Variants in GALNT18 observed in about 807,000 individuals in gnomAD.
The protein encoded by GALNT18 is GalNAc-transferase 18.
Under a neutral mutation model 69.5 loss-of-function variants are expected in GALNT18, and 44 were observed. The ratio of observed to expected loss-of-function variants is 0.63; its 90% CI spans 0.50 to 0.81. The LOEUF (loss-of-function observed/expected upper bound fraction) is 0.81, where lower values mean the gene tolerates loss of function less well. Among genes scored for constraint, GALNT18 ranks in the 40% least tolerant of loss-of-function variants. The pLI is 0.00. For missense variants in GALNT18, 715 were observed against 810.0 expected, an observed-to-expected ratio of 0.88 and a Z score of 1.42; for synonymous variants, 364 against 318.2, an observed-to-expected ratio of 1.14 and a Z score of -1.53.
intron 6 of GALNT18, among the ~76,000 whole-genome samples, chr11:11,345,306 C>T (rs1009084563): frequency 1.3e-5 from 2 of 152,216 alleles, no homozygotes; most frequent in Admixed American, 6.5e-5. Context: ...TGGACCCTGC[C>T]CAGTGGCACT....
intron 1 of GALNT18, among the ~76,000 whole-genome samples, chr11:11,569,783 A>G (rs1296945002): frequency 6.6e-6 from 1 of 152,144 alleles, no homozygotes; most frequent in East Asian, 1.9e-4. Context: ...GCTGGTAAGT[A>G]GGCAAGCAGT....
chr11:11,472,584 G>C (rs1181177916), intron 1 of GALNT18, among the ~76,000 whole-genome samples: 1 of 13,440 alleles, frequency 7.4e-5, no homozygotes, highest in Non-Finnish European at 2.4e-4. Flanking sequence ...AATGTGCAGA[G>C]TGAAACAAAG....
Position 11,416,832 on chromosome 11 carries a change from A to G in GALNT18, c.595+15789T>C, listed in dbSNP as rs549412324. ...CTAGGGCAGCGTGGCGAGCCATGGC[A>G]CCTCAAAATGATAGCAGCCCAAACC... On this transcript the variant is annotated intron_variant, in intron 3 of 10. Transcript: ENST00000227756. 3.9e-5 allele frequency among the ~76,000 whole-genome samples: 6 copies of G among 152,268 alleles called. No homozygotes were observed. In the South Asian group the frequency reaches 1.2e-3, roughly 32 times the overall value.
chr11:11,371,107 C>T (rs1262117863), intron 6 of GALNT18, among the ~76,000 whole-genome samples: 1 of 152,194 alleles, frequency 6.6e-6, no homozygotes, highest in East Asian at 1.9e-4. Flanking sequence ...TCAATGAATA[C>T]AGATGTCTGG....
chr11:11,547,509 G>A (rs78134108), intron 1 of GALNT18, among the ~76,000 whole-genome samples: 4,313 of 152,312 alleles, frequency 0.028, 269 homozygotes, highest in East Asian at 0.15. Flanking sequence ...TGCCAGGCAT[G>A]CGTCCCTCCC....
At chr11:11,354,618 C>A (rs1460000972) in intron 6 of GALNT18, among the ~76,000 whole-genome samples, 1 of 152,068 alleles carries the variant, frequency 6.6e-6, no homozygotes, top group South Asian at 2.1e-4. Flanking sequence ...GTTTAGAGGC[C>A]CCTAAGTATC....
intron 10 of GALNT18, among the ~76,000 whole-genome samples, chr11:11,292,591 A>G (rs1849320881): frequency 6.6e-6 from 1 of 152,082 alleles, no homozygotes; most frequent in Non-Finnish European, 1.5e-5. Flanking sequence ...TACATCTGGG[A>G]GACTGGGGGC....
rs369442463 is a variant in GALNT18, at chr11:11,431,378, G to C, written c.595+1243C>G. ...GTTTTCTTAGGCGCCCGTTTTTTGG[G>C]TCCCAGGCTAGATGATGGTAGGCAG... On this transcript the variant is annotated intron_variant, in intron 3 of 10. Transcript: ENST00000227756. 3.0e-3 allele frequency among the ~76,000 whole-genome samples: 458 copies of C among 152,208 alleles called. 1 individual carries two copies. Among genetic ancestry groups the C allele is most frequent in the African/African-American group, 0.01 (426 of 41,530 alleles).
At chr11:11,503,094 T>C (rs1432506065) in intron 1 of GALNT18, among the ~76,000 whole-genome samples, 2 of 152,098 alleles carry the variant, frequency 1.3e-5, no homozygotes, top group African/African-American at 2.4e-5. Context: ...CGGAGAAAAA[T>C]AGATTCCTCT....
chr11:11,292,907 C>T lies in GALNT18; in HGVS notation c.1677+122G>A, dbSNP rs182830182. The T allele has an allele frequency of 1.2e-4, 106 of 867,408 alleles. No individual in the cohort carries two copies. The East Asian group carries it at 2.5e-3, about 21-fold the overall frequency. The allele number at this position is 867,408 out of a possible 1,614,324, so 53.7% of individuals were successfully genotyped here. ...GCAAAGCAGTCTGGAGCCACAGCCT[C>T]ACTACTGCCAGTCTGTCTCTCCTTC... On this transcript the variant is annotated intron_variant, in intron 10 of 10. Transcript: ENST00000227756.
chr11:11,565,484 T>C (rs1858624255), intron 1 of GALNT18, among the ~76,000 whole-genome samples: 1 of 152,042 alleles, frequency 6.6e-6, no homozygotes, highest in African/African-American at 2.4e-5. Flanking sequence ...CCTCTAAGCA[T>C]GAGGGTAAGT....
At chr11:11,466,619 A>G (rs1373422055) in intron 1 of GALNT18, among the ~76,000 whole-genome samples, 1 of 152,140 alleles carries the variant, frequency 6.6e-6, no homozygotes, top group East Asian at 1.9e-4. Flanking sequence ...CTGTTTACCT[A>G]TTAGGATTTT....
At position 11,573,905 on chromosome 11, in the gene GALNT18, G is replaced by A. The variant is rs1316070204; in HGVS notation, c.235+47454C>T. 1 of 152,168 alleles carries A rather than the reference G, an allele frequency of 6.6e-6. No individual in the cohort carries two copies. Among genetic ancestry groups the A allele is most frequent in the Non-Finnish European group, 1.5e-5 (1 of 68,042 alleles). The allele number at this position is 152,168 out of a possible 1,614,324, so 9.4% of individuals were successfully genotyped here. ...ATCTTCATTTGGTGCATTTTGAGGG[G>A]TCATTCATTCTATCAACATCTCATT... On this transcript the variant is annotated intron_variant, in intron 1 of 10. Coordinates refer to ENST00000227756, the MANE Select transcript of GALNT18 (RefSeq NM_198516.3). This position sits in a 1 kb window ranked among gnomAD's most constrained non-coding sequence, Gnocchi z 4.6.
intron 10 of GALNT18, among the ~76,000 whole-genome samples, chr11:11,280,430 T>A (rs1849047448): frequency 6.6e-6 from 1 of 151,324 alleles, no homozygotes; most frequent in African/African-American, 2.4e-5. Context: ...TCTCACCCCC[T>A]CCCAAATATG....
intron 1 of GALNT18, among the ~76,000 whole-genome samples, chr11:11,572,390 G>A (rs1412758318): frequency 1.3e-5 from 2 of 152,206 alleles, no homozygotes; most frequent in African/African-American, 4.8e-5. Context: ...CACTTTGCCT[G>A]AATAACTTAG....
chr11:11,581,666 C>T (rs1194205154), intron 1 of GALNT18, among the ~76,000 whole-genome samples: 3 of 152,094 alleles, frequency 2.0e-5, no homozygotes, highest in African/African-American at 7.2e-5. Flanking sequence ...GCACTTTATC[C>T]CGCCTGGCTC....
rs1854094108 is a variant in GALNT18, at chr11:11,387,966, C to T, written c.596-8702G>A. Among the ~76,000 whole-genome samples the T allele has an allele frequency of 6.6e-6, 1 of 152,254 alleles. No individual in the cohort carries two copies. The highest frequency in any genetic ancestry group is 1.5e-5 in the Non-Finnish European group (1 of 68,056). ...GAGGTTCATTCTTATGTCTGCTACA[C>T]TTAACAGCTGCACTTCTGTCCAGCT... On this transcript the variant is annotated intron_variant, in intron 3 of 10. Coordinates refer to ENST00000227756, the MANE Select transcript of GALNT18 (RefSeq NM_198516.3). This position sits in a 1 kb window ranked among gnomAD's most constrained non-coding sequence, Gnocchi z 4.6.
chr11:11,489,765 T>C (rs1315997097), intron 1 of GALNT18, among the ~76,000 whole-genome samples: 1 of 152,228 alleles, frequency 6.6e-6, no homozygotes, highest in East Asian at 1.9e-4. Context: ...GTGTTAACTC[T>C]TATTCCTTGT....
intron 2 of GALNT18, among the ~76,000 whole-genome samples, chr11:11,442,471 C>A (rs1459941981): frequency 6.6e-6 from 1 of 152,120 alleles, no homozygotes; most frequent in Non-Finnish European, 1.5e-5. Context: ...AACCAGGACC[C>A]CCAAAGTTCA....
Sources: gnomAD v4.1 joint callset for allele counts (sites outside exome capture counted in the v4.1 genomes callset) on GRCh38, gnomAD v4.1.1 for gene constraint, Gnocchi (gnomAD v3.1) non-coding constraint, MANE v1.5 for transcripts, NCBI Gene and HGNC (gene_info 2026-07-23, HGNC 2026-07-21) for gene names.